The following OR52A5 variants were observed in gnomAD, a reference collection of about 807,000 sequenced individuals.
OR52A5 encodes olfactory receptor 52A5.
In OR52A5, 16 loss-of-function variants were observed where a neutral mutation model predicts 18.2. The ratio of observed to expected loss-of-function variants is 0.88; its 90% CI spans 0.60 to 1.34. OR52A5 has a LOEUF of 1.34. Ranked by LOEUF, OR52A5 falls within the 40% of genes most tolerant of loss-of-function variation. OR52A5 has a pLI of 0.00. For synonymous variants in OR52A5, 140 were observed against 137.2 expected, an observed-to-expected ratio of 1.02 and a Z score of -0.14; for missense variants, 418 against 383.0, an observed-to-expected ratio of 1.09 and a Z score of -0.76.
In OR52A5 at chr11:5,132,605, G is replaced by A. The variant is rs777358733; in HGVS notation, c.38C>T (p.Ala13Val). Residue 13 changes from alanine to valine, a missense_variant, in exon 2 of 2, where the codon GCG (alanine) becomes GTG (valine). Transcript: ENST00000307388. ...ACCAGGAATCCCAATTAGTATAAAC[G>A]CAGAGGGCATGAAGACTGAGCCATT... ...TFNGSVFMPS[A>V]FILIGIPGLE... is the part of the protein sequence containing the mutation. 7 of 1,611,992 alleles carry A rather than the reference G, an allele frequency of 4.3e-6. No homozygotes were observed. The highest frequency in any genetic ancestry group is 1.7e-5 in the Admixed American group (1 of 59,680).
chr11:5,134,206 T>C (rs997422365), intron 1 of OR52A5, among the ~76,000 whole-genome samples: 3 of 152,236 alleles, frequency 2.0e-5, no homozygotes, highest in Non-Finnish European at 4.4e-5. Flanking sequence ...TGTATTTTCT[T>C]TTAGTAATTG....
intron 1 of OR52A5, among the ~76,000 whole-genome samples, chr11:5,133,103 C>T (rs1400451746): frequency 6.6e-6 from 1 of 152,182 alleles, no homozygotes; most frequent in East Asian, 1.9e-4. Context: ...GGCACAGTGG[C>T]TCACGCCTGT....
intron 1 of OR52A5, among the ~76,000 whole-genome samples, chr11:5,135,676 A>G (rs946481942): frequency 1.3e-5 from 2 of 152,228 alleles, no homozygotes; most frequent in Admixed American, 1.3e-4. Context: ...TTTGATCTCC[A>G]TAACCTCTTA....
chr11:5,131,859 AAG>A lies in OR52A5; in HGVS notation c.782_783del (p.Ser261PhefsTer43), dbSNP rs1345026024. On this transcript the variant is annotated frameshift_variant, in exon 2 of 2. Coordinates refer to ENST00000307388, the MANE Select transcript of OR52A5 (RefSeq NM_001005160.3). LOFTEE classifies it high-confidence loss of function. ...FLQFYLLAFF[S>X]FFTHRFGSHI... ...TGTGAACCAAACCTGTGTGTGAAGAAAGAGAAGAAGGCAAGAAGGTAGAACTG... is the reference window on the plus strand; with the variant it reads ...TGTGAACCAAACCTGTGTGTGAAGAAAGAAGAAGGCAAGAAGGTAGAACTG... The A allele has an allele frequency of 3.7e-6, 6 of 1,614,214 alleles. No homozygotes were observed. The highest frequency in any genetic ancestry group is 1.1e-5 in the South Asian group (1 of 91,080).
chr11:5,129,359 G>C lies in OR52A5; in HGVS notation c.*2333C>G, dbSNP rs1029740443. ...GAGGAAATAACATGCCCAGGAGTAT[G>C]TAGAATGTTAAAGGAAGGGTAATGG... On this transcript the variant is annotated 3_prime_UTR_variant, in exon 2 of 2. Coordinates refer to ENST00000307388, the MANE Select transcript of OR52A5 (RefSeq NM_001005160.3). 5.3e-5 allele frequency: 8 copies of C among 152,102 alleles called. No individual in the cohort carries two copies. 9.4% of individuals were successfully genotyped at this position (152,102 alleles called of 1,614,324 possible).
Position 5,132,053 on chromosome 11 carries a change from A to C in OR52A5, c.590T>G (p.Val197Gly). Residue 197 changes from valine (V) to glycine (G), a missense_variant, in exon 2 of 2, where the codon GTC becomes GGC. By Grantham distance (109) the Val-to-Gly change is moderately radical. Transcript: ENST00000307388. ...AACAAATAGGCCATATATCTTGTTG[A>C]CTCGGATATCTTCAGTAGCCAGCTT... ...IVKLATEDIR[V>G]NKIYGLFVAF... The C allele has an allele frequency of 1.9e-6, 3 of 1,614,186 alleles. No homozygotes were observed. Among genetic ancestry groups the C allele is most frequent in the Non-Finnish European group, 2.5e-6 (3 of 1,180,016 alleles).
At position 5,131,568 on chromosome 11, in the gene OR52A5, G is replaced by A; in HGVS notation, c.*124C>T. 1.8e-6 allele frequency: 1 copy of A among 553,616 alleles called. No individual in the cohort carries two copies. The highest frequency in any genetic ancestry group is 3.2e-6 in the Non-Finnish European group (1 of 314,866). The allele number at this position is 553,616 out of a possible 1,614,324, so 34.3% of individuals were successfully genotyped here. ...AGATTCAAAGCAAATACTAAAAAGT[G>A]AGACATAGCTAGAATTACAGGTATG... is the stretch of plus-strand genomic sequence containing the variant. On this transcript the variant is annotated 3_prime_UTR_variant, in exon 2 of 2. Transcript: ENST00000307388.
In OR52A5 at chr11:5,132,272, C is replaced by A. The variant is rs371563426; in HGVS notation, c.371G>T (p.Arg124Leu). ...SGILLAMALD[R>L]YVAICIPLRH... is the part of the protein sequence containing the mutation. ...CAAGGGGATACAGATGGCCACATAG[C>A]GATCCAGGGCCATTGCCAGAAGGAT... Residue 124 changes from arginine (R) to leucine (L), a missense_variant, in exon 2 of 2, where the codon CGC (arginine) becomes CTC (leucine). By Grantham distance (102) the Arg-to-Leu change is moderately radical. Coordinates refer to ENST00000307388, the MANE Select transcript of OR52A5 (RefSeq NM_001005160.3). 1 of 1,614,140 alleles carries A rather than the reference C, an allele frequency of 6.2e-7. No individual in the cohort carries two copies. Among genetic ancestry groups the A allele is most frequent in the African/African-American group, 1.3e-5 (1 of 75,038 alleles).
intron 1 of OR52A5, among the ~76,000 whole-genome samples, chr11:5,137,637 T>C (rs1846404627): frequency 6.6e-6 from 1 of 152,116 alleles, no homozygotes; most frequent in Admixed American, 6.5e-5. Context: ...GTCTGAAATC[T>C]ACATTTTAAT....
rs1466180963 is a variant in OR52A5 at position 5,131,954 on chromosome 11, TGAAA to T, written c.685_688del (p.Phe229SerfsTer56). ...GAATCGTGCCTCCTTCTGGGGCAGC[TGAAA>T]GACAGTGATAAAAATTTGGACATAG... On this transcript the variant is annotated frameshift_variant, in exon 2 of 2. Coordinates refer to ENST00000307388, the MANE Select transcript of OR52A5 (RefSeq NM_001005160.3). LOFTEE classifies it high-confidence loss of function. The T allele has an allele frequency of 6.2e-7, 1 of 1,614,048 alleles. No individual in the cohort carries two copies. The highest frequency in any genetic ancestry group is 1.7e-5 in the Admixed American group (1 of 60,002).
At chr11:5,137,271 G>A (rs548223723) in intron 1 of OR52A5, among the ~76,000 whole-genome samples, 1 of 152,262 alleles carries the variant, frequency 6.6e-6, no homozygotes, top group African/African-American at 2.4e-5. Flanking sequence ...AAGTCAACAC[G>A]CTAGAAACTT....
intron 1 of OR52A5, among the ~76,000 whole-genome samples, chr11:5,134,304 C>A (rs1300751539): frequency 1.3e-5 from 2 of 152,148 alleles, no homozygotes; most frequent in Non-Finnish European, 2.9e-5. Context: ...TCTCACCAAC[C>A]TGCCAGCCTC....
rs547363681 is a variant in OR52A5 at position 5,130,014 on chromosome 11, T to G, written c.*1678A>C. The G allele has an allele frequency of 6.6e-6, 1 of 152,292 alleles. No homozygotes were observed. The highest frequency in any genetic ancestry group is 2.1e-4 in the South Asian group (1 of 4,828). 9.4% of individuals were successfully genotyped at this position (152,292 alleles called of 1,614,324 possible). Reference sequence around the variant, plus strand: ...ATGACACAAATTTTTCATTTAATTTTTTTCCATTAGATAATGTGCATTTTT... The same window carrying G: ...ATGACACAAATTTTTCATTTAATTTGTTTCCATTAGATAATGTGCATTTTT... On this transcript the variant is annotated 3_prime_UTR_variant, in exon 2 of 2. Coordinates refer to ENST00000307388, the MANE Select transcript of OR52A5 (RefSeq NM_001005160.3).
chr11:5,137,202 A>T (rs1271170857), intron 1 of OR52A5, among the ~76,000 whole-genome samples: 2 of 152,230 alleles, frequency 1.3e-5, no homozygotes, highest in African/African-American at 4.8e-5. Flanking sequence ...GTTTGCACAA[A>T]TATGCATATG....
In OR52A5 at chr11:5,131,867, A is replaced by G. The variant is rs748249860; in HGVS notation, c.776T>C (p.Phe259Ser). 18 of 1,614,108 alleles carry G rather than the reference A, an allele frequency of 1.1e-5. No individual in the cohort carries two copies. Among genetic ancestry groups the G allele is most frequent in the East Asian group, 2.2e-5 (1 of 44,892 alleles). Residue 259 changes from phenylalanine (F) to serine (S), a missense_variant, in exon 2 of 2, where the codon TTC (phenylalanine) becomes TCC (serine). By Grantham distance (155) the Phe-to-Ser change is radical. Coordinates refer to ENST00000307388, the MANE Select transcript of OR52A5 (RefSeq NM_001005160.3). ...CVFLQFYLLA[F>S]FSFFTHRFGS... ...AAACCTGTGTGTGAAGAAAGAGAAG[A>G]AGGCAAGAAGGTAGAACTGTAGGAA...
At position 5,130,914 on chromosome 11, in the gene OR52A5, T is replaced by G. The variant is rs931045801; in HGVS notation, c.*778A>C. ...TTTAGCTAATATATTATTTCAGGTT[T>G]GCATAATGATTATTTCAAGTCTTCA... On this transcript the variant is annotated 3_prime_UTR_variant, in exon 2 of 2. Coordinates refer to ENST00000307388, the MANE Select transcript of OR52A5 (RefSeq NM_001005160.3). The G allele has an allele frequency of 3.9e-5, 6 of 152,156 alleles. No individual in the cohort carries two copies. Among genetic ancestry groups the G allele is most frequent in the Non-Finnish European group, 7.4e-5 (5 of 67,976 alleles). The allele number at this position is 152,156 out of a possible 1,614,324, so 9.4% of individuals were successfully genotyped here. A position where few individuals can be genotyped will look rare whatever the true frequency, so the allele number is the denominator to read the frequency against.
At position 5,130,200 on chromosome 11, in the gene OR52A5, A is replaced by G. The variant is rs1846323064; in HGVS notation, c.*1492T>C. The G allele has an allele frequency of 6.6e-6, 1 of 151,776 alleles. No individual in the cohort carries two copies. The highest frequency in any genetic ancestry group is 2.4e-5 in the African/African-American group (1 of 41,324). 9.4% of individuals were successfully genotyped at this position (151,776 alleles called of 1,614,324 possible). ...GTGTTTTGTCTATTTTCATTTATAT[A>G]ATTTGGTGCATTTTTATACCAGATA... On this transcript the variant is annotated 3_prime_UTR_variant, in exon 2 of 2. Coordinates refer to ENST00000307388, the MANE Select transcript of OR52A5 (RefSeq NM_001005160.3).
chr11:5,132,911 G>A (rs193177742), intron 1 of OR52A5, among the ~76,000 whole-genome samples: 5 of 152,002 alleles, frequency 3.3e-5, no homozygotes, highest in Admixed American at 6.5e-5. Flanking sequence ...TGGATTAGAC[G>A]GCTTTTTTCT....
At chr11:5,136,366 C>T (rs1049230968) in intron 1 of OR52A5, among the ~76,000 whole-genome samples, 3 of 152,158 alleles carry the variant, frequency 2.0e-5, no homozygotes, top group Non-Finnish European at 4.4e-5. Context: ...TCAGCACTGA[C>T]ATCTTAAGCC....
Sources: gnomAD v4.1 joint callset for allele counts (sites outside exome capture counted in the v4.1 genomes callset) on GRCh38, gnomAD v4.1.1 for gene constraint, MANE v1.5 for transcripts, NCBI Gene and HGNC (gene_info 2026-07-23, HGNC 2026-07-21) for gene names.